The following AARS1 variants were observed in gnomAD, a reference collection of about 807,000 sequenced individuals.
The protein encoded by AARS1 is alanine--tRNA ligase, cytoplasmic.
AARS1 carries 72 observed loss-of-function variants against 108.9 expected under a neutral mutation model. That is an observed-to-expected ratio of 0.66 (90% CI 0.55 to 0.80). The LOEUF is 0.80. Ranked by LOEUF, AARS1 falls within the 30% of genes least tolerant of loss-of-function variation. AARS1 has a pLI of 0.00. For synonymous variants in AARS1, 489 were observed against 465.7 expected (o/e 1.05, Z -0.64); for missense variants, 1,193 against 1,233.2 (o/e 0.97, Z 0.49).
chr16:70,258,732 A>G (rs913039128), intron 14 of AARS1, among the ~76,000 whole-genome samples: 1 of 151,930 alleles, frequency 6.6e-6, no homozygotes, highest in African/African-American at 2.4e-5. Flanking sequence ...CGCCCGGCTA[A>G]TTTTTTCTAT....
intron 4 of AARS1, 141 bp from the exon 5 acceptor site, chr16:70,272,113 G>A (rs571138686): frequency 6.6e-5 from 49 of 743,220 alleles, no homozygotes; most frequent in South Asian, 6.2e-4. Context: ...ACAACAGAGC[G>A]AGACTCTGTC....
At chr16:70,254,322 C>A (rs1391770268) in intron 17 of AARS1, 2 of 585,134 alleles carry the variant, frequency 3.4e-6, no homozygotes, top group Admixed American at 6.0e-5. Context: ...CAAATAAATA[C>A]CAGGCAGGCT....
At chr16:70,282,914 T>C in intron 1 of AARS1, 130 bp from the exon 2 acceptor site, 1 of 852,750 alleles carries the variant, frequency 1.2e-6, no homozygotes, top group Non-Finnish European at 1.9e-6. Flanking sequence ...CTAAAACCTC[T>C]ATGTTGTAAT....
In AARS1 at chr16:70,258,071, A is replaced by G. The variant is rs767814087; in HGVS notation, c.2139T>C (p.Pro713=). ...ACTCAACAGAAGTCAGGGAGCCAGC[A>G]GGCCCAGAGGGGTCATCCAGCAACT... ...VSELLDDPSG[P]AGSLTSVEFC... Residue 713 remains proline (P), a synonymous_variant, in exon 15 of 21, where the codon CCT becomes CCC. Coordinates refer to ENST00000261772, the MANE Select transcript of AARS1 (RefSeq NM_001605.3). 1 of 1,614,182 alleles carries G rather than the reference A, an allele frequency of 6.2e-7. No homozygotes were observed. The highest frequency in any genetic ancestry group is 8.5e-7 in the Non-Finnish European group (1 of 1,180,028).
intron 1 of AARS1, among the ~76,000 whole-genome samples, chr16:70,285,494 G>C (rs1322720219): frequency 6.6e-6 from 1 of 151,988 alleles, no homozygotes; most frequent in Non-Finnish European, 1.5e-5. Flanking sequence ...TGTCGCCCAG[G>C]CTGGAGCGCT....
In AARS1 at chr16:70,278,071, G is replaced by A. The variant is rs1960594447; in HGVS notation, c.145-917C>T. Among the ~76,000 whole-genome samples the A allele has an allele frequency of 2.0e-5, 3 of 151,796 alleles. No individual in the cohort carries two copies. The South Asian group carries it at 6.2e-4, about 32-fold the overall frequency. ...CCAGGTCTTACCATTAGACACTTGT[G>A]ACCATGTAAAACTGAATTAAAATTA... On this transcript the variant is annotated intron_variant, in intron 2 of 20. Transcript: ENST00000261772.
intron 3 of AARS1, 86 bp from the exon 4 acceptor site, chr16:70,276,717 C>A (rs543136657): frequency 9.1e-6 from 13 of 1,435,102 alleles, no homozygotes; most frequent in South Asian, 8.2e-5. Flanking sequence ...AACACAGATA[C>A]AAAATCACAA....
At chr16:70,267,210 C>T (rs1186676564) in intron 9 of AARS1, among the ~76,000 whole-genome samples, 1 of 152,176 alleles carries the variant, frequency 6.6e-6, no homozygotes, top group Non-Finnish European at 1.5e-5. Context: ...GTTCATTATA[C>T]TTCAATAAAG....
In AARS1 at chr16:70,262,543, T is replaced by C. The variant is rs541594672; in HGVS notation, c.1493-19A>G. On this transcript the variant is annotated intron_variant, in intron 11 of 20. Transcript: ENST00000261772. ...TCAAATACTGCTCAAGGGAAATGCA[T>C]AGAAAGGGGACAGTGGGGTCAATGA... 3.7e-6 allele frequency: 6 copies of C among 1,601,850 alleles called. No homozygotes were observed. The highest frequency in any genetic ancestry group is 1.3e-5 in the African/African-American group (1 of 74,838).
At chr16:70,256,122 C>T (rs886780215) in intron 15 of AARS1, among the ~76,000 whole-genome samples, 5 of 152,166 alleles carry the variant, frequency 3.3e-5, no homozygotes, top group East Asian at 1.9e-4. Flanking sequence ...TTAGGCTCTA[C>T]GTGACAGTTT....
intron 12 of AARS1, 70 bp downstream of exon 12, chr16:70,262,275 GT>G: frequency 6.3e-7 from 1 of 1,591,900 alleles, no homozygotes; most frequent in Non-Finnish European, 8.6e-7. Flanking sequence ...CTGGAGCACT[GT>G]GGGGCAAAAG....
chr16:70,260,487 G>A (rs1419114570), intron 13 of AARS1, among the ~76,000 whole-genome samples: 1 of 152,180 alleles, frequency 6.6e-6, no homozygotes, highest in Non-Finnish European at 1.5e-5. Context: ...AAAGAAGTAG[G>A]TGACGTTAGA....
rs1323803720 is a variant in AARS1, at chr16:70,253,902, G to A, written c.2520+17C>T. On this transcript the variant is annotated intron_variant, in intron 18 of 20. Transcript: ENST00000261772. The stretch of plus-strand genomic sequence containing the variant: ...TGCCTAGGAAACACTCTGGCCACTG[G>A]TGCTGCCAGGACTCACTCGTTTCTG... 2.5e-6 allele frequency: 4 copies of A among 1,614,238 alleles called. No homozygotes were observed. The highest frequency in any genetic ancestry group is 2.2e-5 in the East Asian group (1 of 44,890).
At chr16:70,288,650 T>C (rs1018485045) in intron 1 of AARS1, among the ~76,000 whole-genome samples, 1 of 141,478 alleles carries the variant, frequency 7.1e-6, no homozygotes, top group African/African-American at 2.7e-5. Flanking sequence ...CACTGCAACC[T>C]CCGCCTGCCG....
chr16:70,273,371 C>A (rs1340884588), intron 4 of AARS1, among the ~76,000 whole-genome samples: 2 of 152,160 alleles, frequency 1.3e-5, no homozygotes, highest in Non-Finnish European at 2.9e-5. Context: ...ACATATAGCT[C>A]ACCTACTGTC....
At chr16:70,267,256 A>G (rs1474680424) in intron 9 of AARS1, among the ~76,000 whole-genome samples, 1 of 152,214 alleles carries the variant, frequency 6.6e-6, no homozygotes, top group Non-Finnish European at 1.5e-5. Context: ...CTTTGGAATT[A>G]ATTTTCCCCA....
At chr16:70,282,146 C>G (rs1157822120) in intron 2 of AARS1, among the ~76,000 whole-genome samples, 1 of 150,058 alleles carries the variant, frequency 6.7e-6, no homozygotes, top group South Asian at 2.1e-4. Context: ...AGCAAGACTC[C>G]GTCTCAAAAA....
chr16:70,252,973 G>A (rs1354769123), intron 20 of AARS1, 67 bp from the exon 21 acceptor site: 13 of 1,535,006 alleles, frequency 8.5e-6, no homozygotes, highest in Non-Finnish European at 1.2e-5. Flanking sequence ...TGCAGGGAAA[G>A]AAAGGATGGA....
intron 11 of AARS1, among the ~76,000 whole-genome samples, chr16:70,262,883 G>A (rs940193734): frequency 7.1e-6 from 1 of 141,432 alleles, no homozygotes; most frequent in Non-Finnish European, 1.5e-5. Flanking sequence ...CAGAAGAATG[G>A]CGTGAACCCA....
Sources: allele counts gnomAD v4.1 joint callset (sites outside exome capture counted in the v4.1 genomes callset), GRCh38; gene constraint gnomAD v4.1.1; transcripts MANE v1.5; gene names NCBI Gene and HGNC (gene_info 2026-07-23, HGNC 2026-07-21).